Variants in CENPN observed in about 807,000 individuals in gnomAD.
CENPN encodes the protein interphase centromere complex protein 32.
CENPN carries 36 observed loss-of-function variants against 48.6 expected under a neutral mutation model. That is an observed-to-expected ratio of 0.74 (90% CI 0.57 to 0.98). CENPN has a LOEUF of 0.98. Among genes scored for constraint, CENPN ranks in the 50% least tolerant of loss-of-function variants. The pLI, the probability that CENPN is intolerant of heterozygous loss-of-function variation, is 0.00. For synonymous variants in CENPN, 166 were observed against 135.2 expected (o/e 1.23, Z -1.58); for missense variants, 439 against 399.2 (o/e 1.10, Z -0.85).
At chr16:81,011,484 G>T (rs1812066279) in intron 1 of CENPN, among the ~76,000 whole-genome samples, 1 of 152,024 alleles carries the variant, frequency 6.6e-6, no homozygotes, top group South Asian at 2.1e-4. Context: ...CTCAGTAAGG[G>T]GTTACATGAA....
intron 10 of CENPN, 37 bp from the exon 11 acceptor site, chr16:81,028,532 A>G (rs747132518): frequency 2.6e-6 from 4 of 1,568,512 alleles, no homozygotes; most frequent in Non-Finnish European, 1.7e-6. Context: ...GATGACTTTT[A>G]ATTTTCTTTT....
intron 3 of CENPN, among the ~76,000 whole-genome samples, chr16:81,014,656 A>G (rs1969867371): frequency 6.6e-6 from 1 of 152,182 alleles, no homozygotes; most frequent in Non-Finnish European, 1.5e-5. Context: ...TCAAGCAGAG[A>G]TAATAGTACA....
In CENPN at chr16:81,030,466, G is replaced by A; in HGVS notation, c.*1815G>A. On this transcript the variant is annotated 3_prime_UTR_variant, in exon 11 of 11. Coordinates refer to ENST00000305850, the MANE Select transcript of CENPN (RefSeq NM_001100624.3). ...TGATATAGAAAAATGACTTCACTCT[G>A]GGCCGGGTGTAGTGGCTCACGCCTG... is the stretch of plus-strand genomic sequence containing the variant. The A allele has an allele frequency of 2.1e-6, 2 of 933,840 alleles. No individual in the cohort carries two copies. Among genetic ancestry groups the A allele is most frequent in the Non-Finnish European group, 1.3e-6 (1 of 782,950 alleles). 57.8% of individuals were successfully genotyped at this position (933,840 alleles called of 1,614,324 possible).
chr16:81,022,053 G>T (rs1444866358), intron 6 of CENPN, among the ~76,000 whole-genome samples: 1 of 151,902 alleles, frequency 6.6e-6, no homozygotes, highest in Non-Finnish European at 1.5e-5. Context: ...GCCACTGCGC[G>T]GACTAATGTT....
chr16:81,011,206 C>T (rs929316835), intron 1 of CENPN, among the ~76,000 whole-genome samples: 8 of 152,292 alleles, frequency 5.3e-5, no homozygotes, highest in Non-Finnish European at 1.2e-4. Context: ...AAAGCTCTTC[C>T]ACCACATGAC....
At chr16:81,032,127 C>T (rs1054471530), downstream of CENPN, among the ~76,000 whole-genome samples, 1 of 150,902 alleles carries the variant, frequency 6.6e-6, no homozygotes, top group African/African-American at 2.4e-5. Context: ...AGAGGAACTC[C>T]CTCTGGAATT....
chr16:81,025,810 C>T (rs969069536), intron 8 of CENPN, among the ~76,000 whole-genome samples: 48 of 150,196 alleles, frequency 3.2e-4, no homozygotes, highest in African/African-American at 1.0e-3. Flanking sequence ...TCAAGCGATT[C>T]TCTTTCCTCA....
In CENPN at chr16:81,017,312, C is replaced by T. The variant is rs1181674634; in HGVS notation, c.218-14C>T. ...TATGATATGCTAGTAATAAAGCTTT[C>T]TTCCCTCTCTCAGATATGCAATTTC... On this transcript the variant is annotated splice_polypyrimidine_tract_variant and intron_variant, in intron 3 of 10. Transcript: ENST00000305850. The T allele has an allele frequency of 6.4e-7, 1 of 1,572,482 alleles. No homozygotes were observed. The highest frequency in any genetic ancestry group is 1.7e-5 in the Admixed American group (1 of 59,756).
At chr16:81,025,739 A>C (rs905202725) in intron 8 of CENPN, among the ~76,000 whole-genome samples, 2 of 135,348 alleles carry the variant, frequency 1.5e-5, no homozygotes, top group Non-Finnish European at 3.0e-5. Context: ...GTCTCACTCT[A>C]TTTCCTAGGC....
intron 9 of CENPN, among the ~76,000 whole-genome samples, chr16:81,027,439 C>G (rs1227014202): frequency 6.6e-6 from 1 of 152,024 alleles, no homozygotes; most frequent in African/African-American, 2.4e-5. Flanking sequence ...GAGCCATGTT[C>G]GTACCACTCC....
At chr16:81,022,962 A>G (rs949238869) in intron 7 of CENPN, 13 of 1,299,922 alleles carry the variant, frequency 1.0e-5, no homozygotes, top group Admixed American at 2.7e-5. Context: ...ACCTGATCAC[A>G]CTAGAATTTG....
At chr16:81,017,956 G>T (rs1439218547) in intron 5 of CENPN, 122 bp downstream of exon 5, 5 of 598,228 alleles carry the variant, frequency 8.4e-6, no homozygotes, top group African/African-American at 7.7e-5. Flanking sequence ...AGTTCATACG[G>T]TTCTACTCCA....
chr16:81,032,905 G>T (rs780608854), downstream of CENPN: 1 of 438,582 alleles, frequency 2.3e-6, no homozygotes, highest in Non-Finnish European at 4.0e-6. Flanking sequence ...GGTGCTTCTA[G>T]CTCTAAGGGG....
chr16:81,020,447 C>T lies in CENPN; in HGVS notation c.531+171C>T, dbSNP rs149988415. The T allele has an allele frequency of 1.6e-3, 926 of 577,918 alleles. 2 individuals carry two copies. The highest frequency in any genetic ancestry group is 2.1e-3 in the Non-Finnish European group (756 of 364,170). 35.8% of individuals were successfully genotyped at this position (577,918 alleles called of 1,614,324 possible). The stretch of plus-strand genomic sequence containing the variant: ...CTGAAGTGGGAGGATTGCTCGTGCC[C>T]ACGAGTCCAAGGCTGCCGTGAGCTG... On this transcript the variant is annotated intron_variant, in intron 6 of 10. Transcript: ENST00000305850.
chr16:81,023,260 A>G (rs1380041063), intron 7 of CENPN: 2 of 222,796 alleles, frequency 9.0e-6, no homozygotes, highest in Non-Finnish European at 1.8e-5. Context: ...CACTCCTGTG[A>G]GTGGATTGTT....
chr16:81,012,422 A>G (rs962870765), intron 2 of CENPN, among the ~76,000 whole-genome samples: 1 of 152,212 alleles, frequency 6.6e-6, no homozygotes, highest in African/African-American at 2.4e-5. Flanking sequence ...AAAGACAACA[A>G]CACCCAGATG....
At chr16:81,021,517 C>T (rs1052720852) in intron 6 of CENPN, among the ~76,000 whole-genome samples, 2 of 152,092 alleles carry the variant, frequency 1.3e-5, no homozygotes, top group African/African-American at 4.8e-5. Context: ...GTGTGGAGTA[C>T]CAAGGACTCC....
At chr16:81,016,427 A>G (rs1969934921) in intron 3 of CENPN, among the ~76,000 whole-genome samples, 1 of 152,210 alleles carries the variant, frequency 6.6e-6, no homozygotes, top group Non-Finnish European at 1.5e-5. Flanking sequence ...TTTCCATCAG[A>G]GTCTAACTGG....
chr16:81,032,816 C>G, downstream of CENPN: 2 of 1,085,132 alleles, frequency 1.8e-6, no homozygotes, highest in Non-Finnish European at 2.6e-6. Flanking sequence ...CTTTGTTACT[C>G]AAATTTGACC....
Sources: gnomAD v4.1 joint callset for allele counts (sites outside exome capture counted in the v4.1 genomes callset) on GRCh38, gnomAD v4.1.1 for gene constraint, MANE v1.5 for transcripts, NCBI Gene and HGNC (gene_info 2026-07-23, HGNC 2026-07-21) for gene names.